The following ATP2B2 variants were observed in gnomAD, a reference collection of about 807,000 sequenced individuals.
ATP2B2 encodes ATPase plasma membrane Ca2+ transporting 2, also known as plasma membrane calcium-transporting ATPase 2.
In ATP2B2, 15 loss-of-function variants were observed where a neutral mutation model predicts 120.0. The ratio of observed to expected loss-of-function variants is 0.12; its 90% CI spans 0.08 to 0.19. The LOEUF is 0.19. Ranked by LOEUF, ATP2B2 falls within the 10% of genes least tolerant of loss-of-function variation. The pLI is 1.00. For missense variants in ATP2B2, 1,045 were observed against 1,719.8 expected (o/e 0.61, Z 6.94); for synonymous variants, 694 against 700.3 (o/e 0.99, Z 0.14).
intron 5 of ATP2B2, among the ~76,000 whole-genome samples, chr3:10,391,162 C>A (rs371367008): frequency 6.6e-6 from 1 of 152,170 alleles, no homozygotes; most frequent in African/African-American, 2.4e-5. Flanking sequence ...CTGCCCTCCA[C>A]GCTCAATGAT....
rs567278248 is a variant in ATP2B2, at chr3:10,623,235, T to A, written c.-459-3274A>T. Among the ~76,000 whole-genome samples, 9 of 152,134 alleles carry A rather than the reference T, an allele frequency of 5.9e-5. No homozygotes were observed. In the South Asian group the frequency reaches 6.2e-4, roughly 11 times the overall value. ...ATACCACCACACCCAGCTAATTTTT[T>A]AAAAATGTTTTTTGTGGAAATGGGA... On this transcript the variant is annotated intron_variant, in intron 1 of 21. Transcript: ENST00000646379.
At chr3:10,387,177 T>A (rs1014027737) in intron 6 of ATP2B2, among the ~76,000 whole-genome samples, 2 of 152,230 alleles carry the variant, frequency 1.3e-5, no homozygotes, top group Non-Finnish European at 2.9e-5. Context: ...CACGACTCTT[T>A]CCTCAGTTTC....
At chr3:10,472,753 G>A (rs2065064511) in intron 1 of ATP2B2, among the ~76,000 whole-genome samples, 1 of 152,218 alleles carries the variant, frequency 6.6e-6, no homozygotes, top group Non-Finnish European at 1.5e-5. Context: ...CTGTGAGCAG[G>A]GGTTGGTTCA....
rs1306691962 is a variant in ATP2B2, at chr3:10,456,856, C to T, written c.-319-6994G>A. ...CAAATTCTGGCCTTTCTGTAGGGGG[C>T]CCACTGCCCCAGTGATGGGGAACCC... On this transcript the variant is annotated intron_variant, in intron 1 of 22. Transcript: ENST00000360273. 5.3e-5 allele frequency among the ~76,000 whole-genome samples: 8 copies of T among 152,234 alleles called. No homozygotes were observed. In the East Asian group the frequency reaches 1.4e-3, roughly 26 times the overall value.
At chr3:10,617,050 G>A (rs1372667843) in intron 2 of ATP2B2, among the ~76,000 whole-genome samples, 1 of 152,178 alleles carries the variant, frequency 6.6e-6, no homozygotes, top group African/African-American at 2.4e-5. Flanking sequence ...TCTTCCTTCT[G>A]TGATCTATAT....
Position 10,384,660 on chromosome 3 carries a change from A to G in ATP2B2, c.1000+608T>C, listed in dbSNP as rs973650909. Among the ~76,000 whole-genome samples, 5 of 152,014 alleles carry G rather than the reference A, an allele frequency of 3.3e-5. No homozygotes were observed. In the South Asian group the frequency reaches 1.0e-3, roughly 32 times the overall value. On this transcript the variant is annotated intron_variant, in intron 8 of 22. Transcript: ENST00000360273. ...CAAACGCTCCAGCACAGGCAACAGC[A>G]AGAAACACCAGTCCACATCCGAAGG...
At chr3:10,483,923 G>A (rs741498) in intron 1 of ATP2B2, among the ~76,000 whole-genome samples, 27,940 of 90,098 alleles carry the variant, frequency 0.31, 3,555 homozygotes, top group East Asian at 0.65. Flanking sequence ...GGATCAAGGC[G>A]GTCCAGGGAT....
chr3:10,328,590 C>T lies in ATP2B2; in HGVS notation c.*224G>A. 1 of 584,184 alleles carries T rather than the reference C, an allele frequency of 1.7e-6. No individual in the cohort carries two copies. Among genetic ancestry groups the T allele is most frequent in the Non-Finnish European group, 3.0e-6 (1 of 335,498 alleles). 36.2% of individuals were successfully genotyped at this position (584,184 alleles called of 1,614,324 possible). ...AAAACCGCTCACTCCCGTAAGCCCC[C>T]AGTGGAGATCCCGCCCCTTGCCTTG... On this transcript the variant is annotated 3_prime_UTR_variant, in exon 23 of 23. Coordinates refer to ENST00000360273, the MANE Select transcript of ATP2B2 (RefSeq NM_001001331.4).
chr3:10,448,270 G>A (rs1195440734), intron 2 of ATP2B2, among the ~76,000 whole-genome samples: 15 of 152,224 alleles, frequency 9.9e-5, no homozygotes, highest in Admixed American at 9.8e-4. Context: ...AGCACCTACT[G>A]TATGCCCAGC....
At chr3:10,411,638 C>T (rs777835175) in intron 2 of ATP2B2, among the ~76,000 whole-genome samples, 1 of 152,242 alleles carries the variant, frequency 6.6e-6, no homozygotes, top group Non-Finnish European at 1.5e-5. Context: ...GTGAATATCA[C>T]ATGAGGTGAT....
intron 1 of ATP2B2, among the ~76,000 whole-genome samples, chr3:10,701,068 T>C (rs939888107): frequency 3.9e-5 from 6 of 152,184 alleles, no homozygotes; most frequent in Non-Finnish European, 8.8e-5. Flanking sequence ...ATAGCACGAA[T>C]GACTAACCAA....
At chr3:10,675,037 C>T (rs1390119890) in intron 1 of ATP2B2, among the ~76,000 whole-genome samples, 4 of 152,196 alleles carry the variant, frequency 2.6e-5, no homozygotes, top group Non-Finnish European at 5.9e-5. Context: ...AATTCCGTTA[C>T]TTTGGATTTG....
Position 10,328,800 on chromosome 3 carries a change from G to C in ATP2B2, c.*14C>G, listed in dbSNP as rs772985131. 1.9e-6 allele frequency: 3 copies of C among 1,596,820 alleles called. No individual in the cohort carries two copies. The highest frequency in any genetic ancestry group is 2.6e-6 in the Non-Finnish European group (3 of 1,168,018). On this transcript the variant is annotated 3_prime_UTR_variant, in exon 23 of 23. Coordinates refer to ENST00000360273, the MANE Select transcript of ATP2B2 (RefSeq NM_001001331.4). Reference sequence around the variant, plus strand: ...GGTCCATGAGGGCGGGCGGGCAGGCGAGAGGGTCCTCAGCTAAAGCGACGT... The same window carrying C: ...GGTCCATGAGGGCGGGCGGGCAGGCCAGAGGGTCCTCAGCTAAAGCGACGT...
chr3:10,372,010 G>T lies in ATP2B2; in HGVS notation c.1458C>A (p.Ala486=). 6.2e-7 allele frequency: 1 copy of T among 1,614,236 alleles called. No homozygotes were observed. The highest frequency in any genetic ancestry group is 1.3e-5 in the African/African-American group (1 of 75,052). ...CTGTGGCATTGCCCATGGTCTCACAGGCATCCAGGTGGCGTACCAGGTTGT... is the reference window on the plus strand; with the variant it reads ...CTGTGGCATTGCCCATGGTCTCACATGCATCCAGGTGGCGTACCAGGTTGT... ...KDNNLVRHLD[A]CETMGNATAI... The change falls in exon 12 of 23, where the codon GCC becomes GCA. Residue 486 remains alanine (A), a synonymous_variant. Coordinates refer to ENST00000360273, the MANE Select transcript of ATP2B2 (RefSeq NM_001001331.4).
intron 5 of ATP2B2, chr3:10,394,464 T>C: frequency 6.4e-6 from 3 of 471,170 alleles, no homozygotes; most frequent in Non-Finnish European, 1.3e-5. Flanking sequence ...GTCACACAGC[T>C]GTGAGTGGTG....
chr3:10,651,279 C>T (rs1030939792), intron 1 of ATP2B2, among the ~76,000 whole-genome samples: 2 of 152,066 alleles, frequency 1.3e-5, no homozygotes, highest in Admixed American at 1.3e-4. Context: ...GGCTGTGTCC[C>T]CACCCAAATT....
At chr3:10,545,396 G>A (rs566939558) in intron 2 of ATP2B2, among the ~76,000 whole-genome samples, 1 of 152,238 alleles carries the variant, frequency 6.6e-6, no homozygotes, top group African/African-American at 2.4e-5. Context: ...GGGCATGATG[G>A]TGGGTGCCTG....
At chr3:10,644,392 A>C (rs2070258068) in intron 1 of ATP2B2, among the ~76,000 whole-genome samples, 1 of 152,252 alleles carries the variant, frequency 6.6e-6, no homozygotes, top group Non-Finnish European at 1.5e-5. Flanking sequence ...TATCTGACTC[A>C]GCAATTCCAC....
chr3:10,357,775 G>A (rs1377830934), intron 14 of ATP2B2, among the ~76,000 whole-genome samples: 2 of 152,182 alleles, frequency 1.3e-5, no homozygotes, highest in Non-Finnish European at 2.9e-5. Context: ...TGCCCATGGT[G>A]CTCCCCTGGG....
Sources: gnomAD v4.1 joint callset for allele counts (sites outside exome capture counted in the v4.1 genomes callset) on GRCh38, gnomAD v4.1.1 for gene constraint, MANE v1.5 for transcripts, NCBI Gene and HGNC (gene_info 2026-07-23, HGNC 2026-07-21) for gene names.